Variants in DAB2IP observed in about 807,000 individuals in gnomAD.
DAB2IP encodes DAB2 interacting protein, also known as disabled homolog 2-interacting protein.
Under a neutral mutation model 107.2 loss-of-function variants are expected in DAB2IP, and 28 were observed. The observed-to-expected ratio is 0.26, with a 90% CI of 0.19 to 0.36. DAB2IP has a LOEUF of 0.36. Ranked by LOEUF, DAB2IP falls within the 10% of genes least tolerant of loss-of-function variation. The probability of loss-of-function intolerance (pLI) is 1.00; values close to 1 mark genes in which losing one functional copy is unlikely to be tolerated. For missense variants in DAB2IP, 1,400 were observed against 1,644.7 expected (o/e 0.85, Z 2.57); for synonymous variants, 755 against 706.4 (o/e 1.07, Z -1.09).
At chr9:121,680,232 G>A (rs969162097) in intron 2 of DAB2IP, among the ~76,000 whole-genome samples, 9 of 152,196 alleles carry the variant, frequency 5.9e-5, no homozygotes, top group Non-Finnish European at 1.2e-4. Context: ...CAGGCCAAAG[G>A]GATGGGGCTT....
At chr9:121,703,499 A>G (rs149020633) in intron 3 of DAB2IP, among the ~76,000 whole-genome samples, 369 of 152,300 alleles carry the variant, frequency 2.4e-3, no homozygotes, top group African/African-American at 4.1e-3. Flanking sequence ...TTTGAAGCCA[A>G]GCATTCCTGG....
chr9:121,609,001 G>A (rs1477854590), intron 1 of DAB2IP, among the ~76,000 whole-genome samples: 1 of 152,216 alleles, frequency 6.6e-6, no homozygotes, highest in Non-Finnish European at 1.5e-5. Flanking sequence ...GAGTGCAGTG[G>A]CGCAATCTCG....
intron 3 of DAB2IP, among the ~76,000 whole-genome samples, chr9:121,732,677 A>G (rs116194715): frequency 0.041 from 6,228 of 152,264 alleles, 253 homozygotes; most frequent in African/African-American, 0.095. Context: ...AGTGTTGAAC[A>G]CTGGCAGCTC....
intron 1 of DAB2IP, among the ~76,000 whole-genome samples, chr9:121,619,293 C>T (rs144223012): frequency 1.9e-3 from 292 of 152,200 alleles, no homozygotes; most frequent in African/African-American, 6.3e-3. Flanking sequence ...ACTGCAGGTA[C>T]GCGCCACCAC....
chr9:121,699,027 G>C lies in DAB2IP; in HGVS notation c.229-298G>C, dbSNP rs1369880809. ...CCTCGCCCCGGCGCCCGGGGGGCTC[G>C]GGCAGCCTCGGCCGCGGTCGGCGCG... On this transcript the variant is annotated intron_variant, in intron 2 of 15. Transcript: ENST00000408936. This position sits in a 1 kb window ranked among gnomAD's most constrained non-coding sequence, Gnocchi z 6.2. Among the ~76,000 whole-genome samples, 1 of 150,900 alleles carries C rather than the reference G, an allele frequency of 6.6e-6. No individual in the cohort carries two copies. Among genetic ancestry groups the C allele is most frequent in the African/African-American group, 2.4e-5 (1 of 41,270 alleles).
chr9:121,603,065 C>T (rs1443159595), intron 1 of DAB2IP, among the ~76,000 whole-genome samples: 1 of 152,232 alleles, frequency 6.6e-6, no homozygotes, highest in African/African-American at 2.4e-5. Flanking sequence ...GCAGAAACCT[C>T]TCCCTCCCCT....
intron 3 of DAB2IP, among the ~76,000 whole-genome samples, chr9:121,747,011 T>C (rs79384576): frequency 0.084 from 12,851 of 152,084 alleles, 1,309 homozygotes; most frequent in African/African-American, 0.24. Flanking sequence ...GGAGTGGTGC[T>C]GAGTGGAGAG....
At chr9:121,617,933 G>C (rs2118989075) in intron 1 of DAB2IP, among the ~76,000 whole-genome samples, 1 of 152,350 alleles carries the variant, frequency 6.6e-6, no homozygotes, top group Middle Eastern at 3.4e-3. Context: ...CTCCATGGCT[G>C]GTTACTTGAG....
rs144693306 is a variant in DAB2IP, at chr9:121,782,735, G to A, written c.*237G>A. On this transcript the variant is annotated 3_prime_UTR_variant, in exon 16 of 16. Transcript: ENST00000408936. This position sits in a 1 kb window ranked among gnomAD's most constrained non-coding sequence, Gnocchi z 6.1. ...GGGGTGCGGGCAGAAGAGACTGCAC[G>A]CTGGGGAGTGGGGACAGCCTGATGG... 1.5e-3 allele frequency: 2,057 copies of A among 1,379,088 alleles called. 22 individuals carry two copies. The African/African-American group carries it at 0.023, about 15-fold the overall frequency. 85.4% of individuals were successfully genotyped at this position (1,379,088 alleles called of 1,614,324 possible). A position where few individuals can be genotyped will look rare whatever the true frequency, so the allele number is the denominator to read the frequency against.
intron 1 of DAB2IP, among the ~76,000 whole-genome samples, chr9:121,660,124 G>A (rs7025486): frequency 0.27 from 41,620 of 151,920 alleles, 5,912 homozygotes; most frequent in African/African-American, 0.32. Flanking sequence ...GCAGACCACT[G>A]GGAATCAAAG....
At position 121,772,670 on chromosome 9, in the gene DAB2IP, A is replaced by G; in HGVS notation, c.2142A>G (p.Thr714=). ...AAAACAAGGACTTGTTTTTTGTCAC[A>G]AGGTCCTCCGGGGTCCAGCCCTCAC... is the stretch of plus-strand genomic sequence containing the variant. Residue 714 remains threonine, a synonymous_variant, in exon 12 of 16, where the codon ACA becomes ACG. Coordinates refer to ENST00000408936, the Ensembl canonical transcript of DAB2IP. The surrounding 1 kb of genome is among the most constrained non-coding windows in gnomAD (Gnocchi z 4.7). 1 of 1,613,930 alleles carries G rather than the reference A, an allele frequency of 6.2e-7. No individual in the cohort carries two copies. The highest frequency in any genetic ancestry group is 8.5e-7 in the Non-Finnish European group (1 of 1,179,952).
At chr9:121,630,473 CA>C (rs1184524050) in intron 1 of DAB2IP, among the ~76,000 whole-genome samples, 3 of 150,688 alleles carry the variant, frequency 2.0e-5, no homozygotes, top group Non-Finnish European at 4.4e-5. Context: ...TGTAGTGAGC[CA>C]AGACTGTGCC....
At chr9:121,568,861 G>C (rs1427612156) in intron 1 of DAB2IP, among the ~76,000 whole-genome samples, 1 of 152,218 alleles carries the variant, frequency 6.6e-6, no homozygotes, top group Non-Finnish European at 1.5e-5. Context: ...CTCTGGGCTG[G>C]GCAAGGCTGG....
intron 12 of DAB2IP, 146 bp from the exon 13 acceptor site, chr9:121,774,114 C>T (rs1413422890): frequency 1.3e-5 from 12 of 929,334 alleles, no homozygotes; most frequent in Non-Finnish European, 1.8e-5. Context: ...GTGGGGACTG[C>T]CTCGGTAGGC....
intron 1 of DAB2IP, among the ~76,000 whole-genome samples, chr9:121,646,398 G>A (rs1216271037): frequency 2.0e-5 from 3 of 152,048 alleles, no homozygotes; most frequent in Non-Finnish European, 4.4e-5. Context: ...CTTATTCCCG[G>A]ATGAACAGTG....
upstream of DAB2IP, among the ~76,000 whole-genome samples, chr9:121,650,236 T>C (rs942291089): frequency 6.6e-6 from 1 of 152,170 alleles, no homozygotes; most frequent in Non-Finnish European, 1.5e-5. Context: ...GGGCAGCTGA[T>C]AGCTCTGGAC....
In DAB2IP at chr9:121,599,229, G is replaced by GA. The variant is rs1830606885; in HGVS notation, c.40+32003dup. Among the ~76,000 whole-genome samples the GA allele has an allele frequency of 6.6e-6, 1 of 152,168 alleles. No homozygotes were observed. The highest frequency in any genetic ancestry group is 1.5e-5 in the Non-Finnish European group (1 of 68,020). ...CCCGTACCCTCATAGCGCCGAAACG[G>GA]AAGCAGAGGTTATCTCTGGACTCCT... On this transcript the variant is annotated intron_variant, in intron 1 of 16. Coordinates refer to the DAB2IP transcript ENST00000259371. The surrounding 1 kb of genome is among the most constrained non-coding windows in gnomAD (Gnocchi z 6.9).
At chr9:121,750,965 G>A in intron 3 of DAB2IP, 1 of 163,942 alleles carries the variant, frequency 6.1e-6, no homozygotes. Context: ...CGTGCCTTGT[G>A]CCCACGTTTC....
chr9:121,774,749 G>A (rs1020545103), intron 13 of DAB2IP, among the ~76,000 whole-genome samples: 3 of 152,174 alleles, frequency 2.0e-5, no homozygotes, highest in South Asian at 2.1e-4. Flanking sequence ...GGGGTTGAGG[G>A]CTGAGGGTGC....
Sources: allele counts gnomAD v4.1 joint callset (sites outside exome capture counted in the v4.1 genomes callset), GRCh38; gene constraint gnomAD v4.1.1; non-coding constraint Gnocchi (gnomAD v3.1); transcripts MANE v1.5; gene names NCBI Gene and HGNC (gene_info 2026-07-23, HGNC 2026-07-21).